Variants in PPP2R1B observed in about 807,000 individuals in gnomAD.
The protein encoded by PPP2R1B is serine/threonine-protein phosphatase 2A 65 kDa regulatory subunit A beta isoform.
In PPP2R1B, 58 loss-of-function variants were observed where a neutral mutation model predicts 72.7. The observed-to-expected ratio is 0.80, with a 90% CI of 0.65 to 0.99. The LOEUF is 0.99. Among genes scored for constraint, PPP2R1B ranks in the 50% least tolerant of loss-of-function variants. The pLI, the probability that PPP2R1B is intolerant of heterozygous loss-of-function variation, is 0.00. For missense variants in PPP2R1B, 695 were observed against 733.6 expected (o/e 0.95, Z 0.61); for synonymous variants, 256 against 264.6 (o/e 0.97, Z 0.32).
intron 11 of PPP2R1B, 145 bp downstream of exon 11, chr11:111,747,809 A>C: frequency 1.5e-6 from 1 of 651,628 alleles, no homozygotes; most frequent in Non-Finnish European, 2.5e-6. Flanking sequence ...ATTTATATTC[A>C]GAAGATTAAA....
chr11:111,756,930 A>G (rs1945142153), intron 5 of PPP2R1B, among the ~76,000 whole-genome samples: 1 of 152,118 alleles, frequency 6.6e-6, no homozygotes, highest in South Asian at 2.1e-4. Flanking sequence ...CCTGGCCAAC[A>G]TGGTGAAACC....
chr11:111,732,433 G>A (rs1375940318), intron 15 of PPP2R1B, among the ~76,000 whole-genome samples: 1 of 152,182 alleles, frequency 6.6e-6, no homozygotes, highest in African/African-American at 2.4e-5. Flanking sequence ...GCTGACACCT[G>A]TAATCCCAAC....
Position 111,727,045 on chromosome 11 carries a change from G to A in PPP2R1B, c.1924C>T (p.Gln642Ter), listed in dbSNP as rs768063551. ...GTGTCTCTAGTATCTCCACGCAACT[G>A]ATACACTGGTCCCTGTAAGGCAAAC... Residue 642 changes from glutamine (Q) to a stop codon, truncating the protein, a stop_gained, in exon 16 of 16, where the codon CAG becomes TAG. Coordinates refer to the PPP2R1B transcript ENST00000311129. LOFTEE classifies it high-confidence loss of function. 51 of 1,613,914 alleles carry A rather than the reference G, an allele frequency of 3.2e-5. No homozygotes were observed. The South Asian group carries it at 5.4e-4, about 17-fold the overall frequency.
At chr11:111,691,850 A>C in the PPP2R1B span, among the ~76,000 whole-genome samples, 4 of 152,220 alleles carry the variant, frequency 2.6e-5, no homozygotes, top group Non-Finnish European at 5.9e-5. Context: ...CAGTGACAAA[A>C]AGCTTAACTC....
intron 3 of PPP2R1B, among the ~76,000 whole-genome samples, chr11:111,763,088 G>A (rs1424296585): frequency 6.6e-6 from 1 of 152,140 alleles, no homozygotes; most frequent in Non-Finnish European, 1.5e-5. Flanking sequence ...ATGACTGTGA[G>A]GCTATTTTAA....
downstream of PPP2R1B, among the ~76,000 whole-genome samples, chr11:111,736,371 T>C (rs1316005969): frequency 6.6e-6 from 1 of 152,184 alleles, no homozygotes; most frequent in Non-Finnish European, 1.5e-5. Flanking sequence ...TCTGAATTTG[T>C]AGGAAGACGT....
chr11:111,745,959 T>G (rs532726566), intron 11 of PPP2R1B, among the ~76,000 whole-genome samples: 2 of 152,354 alleles, frequency 1.3e-5, no homozygotes, highest in East Asian at 3.9e-4. Context: ...TTTCATTGGT[T>G]CATGGAACTC....
chr11:111,763,494 A>C (rs1404763058), intron 3 of PPP2R1B, among the ~76,000 whole-genome samples: 1 of 152,190 alleles, frequency 6.6e-6, no homozygotes, highest in Non-Finnish European at 1.5e-5. Flanking sequence ...CAAGAGTGGA[A>C]AGCATTGCTA....
At chr11:111,693,641 A>G in the PPP2R1B span, among the ~76,000 whole-genome samples, 1 of 152,260 alleles carries the variant, frequency 6.6e-6, no homozygotes, top group Non-Finnish European at 1.5e-5. Flanking sequence ...ATAAAAATCT[A>G]TGAATTAATC....
Position 111,739,728 on chromosome 11 carries a change from TGAA to T in PPP2R1B, c.*1865_*1867del, listed in dbSNP as rs1944457400. 10 of 984,084 alleles carry T rather than the reference TGAA, an allele frequency of 1.0e-5. No individual in the cohort carries two copies. Among genetic ancestry groups the T allele is most frequent in the African/African-American group, 1.7e-5 (1 of 57,292 alleles). The allele number at this position is 984,084 out of a possible 1,614,324, so 61.0% of individuals were successfully genotyped here. ...AATGTCTCTCAAATATGAAATTCAATGAAGAAGAACATAACTTGCAGGTAACAA... is the reference window on the plus strand; with the variant it reads ...AATGTCTCTCAAATATGAAATTCAATGAAGAACATAACTTGCAGGTAACAA... On this transcript the variant is annotated 3_prime_UTR_variant, in exon 15 of 15. Transcript: ENST00000527614.
chr11:111,751,098 CA>C (rs1458698309), intron 10 of PPP2R1B, among the ~76,000 whole-genome samples: 2 of 152,162 alleles, frequency 1.3e-5, no homozygotes, highest in African/African-American at 2.4e-5. Flanking sequence ...CTCTGGCTCC[CA>C]AAGTGCTGGG....
At position 111,752,188 on chromosome 11, in the gene PPP2R1B, C is replaced by CA; in HGVS notation, c.1308dup (p.Glu437Ter). 1 of 1,613,386 alleles carries CA rather than the reference C, an allele frequency of 6.2e-7. No homozygotes were observed. Among genetic ancestry groups the CA allele is most frequent in the African/African-American group, 1.3e-5 (1 of 75,020 alleles). On this transcript the variant is annotated frameshift_variant, in exon 10 of 15. Coordinates refer to ENST00000527614, the MANE Select transcript of PPP2R1B (RefSeq NM_002716.5). LOFTEE classifies it high-confidence loss of function. ...TGGCCTGCCAGCAGCGGCATATACT[C>CA]AATGATGGCCAGGCGGACCCTCCAT...
Position 111,766,138 on chromosome 11 carries a change from A to G in PPP2R1B, c.114+110T>C, listed in dbSNP as rs1020988501. The G allele has an allele frequency of 1.0e-5, 10 of 1,000,186 alleles. No homozygotes were observed. In the Admixed American group the frequency reaches 1.0e-4, roughly 10 times the overall value. The allele number at this position is 1,000,186 out of a possible 1,614,324, so 62.0% of individuals were successfully genotyped here. ...GCCTCCCCTTCAAGTTTCTGCTACG[A>G]GTCCGACTCATTCAGTACCTCGGCC... is the stretch of plus-strand genomic sequence containing the variant. On this transcript the variant is annotated intron_variant, in intron 1 of 14. Transcript: ENST00000527614.
Position 111,738,624 on chromosome 11 carries a change from G to T in PPP2R1B, c.*2972C>A. The stretch of plus-strand genomic sequence containing the variant: ...ACCCCTGGGGCTCTGCATCACAGTG[G>T]CTGAGCTGTGGTATTTCTGTGAGCT... On this transcript the variant is annotated 3_prime_UTR_variant, in exon 15 of 15. Transcript: ENST00000527614. 1.0e-6 allele frequency: 1 copy of T among 985,454 alleles called. No individual in the cohort carries two copies. The highest frequency in any genetic ancestry group is 1.2e-6 in the Non-Finnish European group (1 of 829,944). The allele number at this position is 985,454 out of a possible 1,614,324, so 61.0% of individuals were successfully genotyped here. A position where few individuals can be genotyped will look rare whatever the true frequency, so the allele number is the denominator to read the frequency against.
chr11:111,694,220 C>CTCTCGGCA, the PPP2R1B span, among the ~76,000 whole-genome samples: 1 of 152,136 alleles, frequency 6.6e-6, no homozygotes, highest in African/African-American at 2.4e-5. Context: ...CCATATAACC[C>CTCTCGGCA]TCTCGGCATG....
chr11:111,764,311 A>T (rs1175141460), intron 3 of PPP2R1B, among the ~76,000 whole-genome samples: 1 of 151,816 alleles, frequency 6.6e-6, no homozygotes, highest in African/African-American at 2.4e-5. Flanking sequence ...CCTCCTGAGT[A>T]GCTGGTACTA....
At chr11:111,734,617 T>C (rs912869013), downstream of PPP2R1B, among the ~76,000 whole-genome samples, 16 of 152,356 alleles carry the variant, frequency 1.1e-4, no homozygotes, top group South Asian at 4.1e-4. Flanking sequence ...CAAGGTCCAA[T>C]TGCCTTAGCT....
rs781896060 is a variant in PPP2R1B, at chr11:111,764,853, T to A, written c.258A>T (p.Gly86=). The A allele has an allele frequency of 1.5e-5, 25 of 1,613,964 alleles. No individual in the cohort carries two copies. Among genetic ancestry groups the A allele is most frequent in the Non-Finnish European group, 2.1e-5 (25 of 1,180,016 alleles). The change falls in exon 3 of 15, where the codon GGA becomes GGT. Residue 86 remains glycine, a synonymous_variant. Transcript: ENST00000527614. Reference sequence around the variant, plus strand: ...GACCTCCCACTAGGCCAGTGAAATTTCCCAGCTGCTCAGCAAGAGCTAATA... The same window carrying A: ...GACCTCCCACTAGGCCAGTGAAATTACCCAGCTGCTCAGCAAGAGCTAATA... ...EVLLALAEQL[G]NFTGLVGGPD...
intron 4 of PPP2R1B, 65 bp downstream of exon 4, chr11:111,760,754 C>A: frequency 7.0e-7 from 1 of 1,437,234 alleles, no homozygotes; most frequent in Non-Finnish European, 9.6e-7. Flanking sequence ...CCCAGTAATC[C>A]CAAATAACTC....
Sources: gnomAD v4.1 joint callset for allele counts (sites outside exome capture counted in the v4.1 genomes callset) on GRCh38, gnomAD v4.1.1 for gene constraint, MANE v1.5 for transcripts, NCBI Gene and HGNC (gene_info 2026-07-23, HGNC 2026-07-21) for gene names.